Variants in CEP152 observed in about 807,000 individuals in gnomAD.
CEP152 encodes centrosomal protein of 152 kDa.
CEP152 carries 132 observed loss-of-function variants against 188.9 expected under a neutral mutation model. That is an observed-to-expected ratio of 0.70 (90% CI 0.61 to 0.81). CEP152 has a LOEUF of 0.81. CEP152 is among the 30% of genes least tolerant of loss of function. The probability of loss-of-function intolerance (pLI) is 0.00; values close to 1 mark genes in which losing one functional copy is unlikely to be tolerated. For synonymous variants in CEP152, 649 were observed against 666.6 expected (o/e 0.97, Z 0.41); for missense variants, 1,914 against 1,969.8 (o/e 0.97, Z 0.54).
At chr15:48,784,203 AT>A in intron 9 of CEP152, 83 bp from the exon 10 acceptor site, 1 of 1,315,694 alleles carries the variant, frequency 7.6e-7, no homozygotes. Context: ...ACATAATTAG[AT>A]TTGATGTCAA....
rs1897366564 is a variant in CEP152, at chr15:48,797,392, A to C, written c.449T>G (p.Phe150Cys). The C allele has an allele frequency of 6.2e-7, 1 of 1,614,020 alleles. No individual in the cohort carries two copies. The highest frequency in any genetic ancestry group is 1.3e-5 in the African/African-American group (1 of 74,916). The change falls in exon 5 of 27, where the codon TTT (phenylalanine) becomes TGT (cysteine). Residue 150 changes from phenylalanine to cysteine, a missense_variant. Physicochemically the swap from Phe to Cys is radical, Grantham distance 205. Transcript: ENST00000380950. ...CTTCTGACCATTGGTATATGGCCTA[A>C]AGTTTTCAGGAAGGTGATATAAATC... The part of the protein sequence containing the change: ...QTDLYHLPEN[F>C]RPYTNGQKQE...
intron 21 of CEP152, 121 bp downstream of exon 21, chr15:48,752,228 A>T: frequency 6.5e-7 from 1 of 1,542,152 alleles, no homozygotes; most frequent in Non-Finnish European, 8.9e-7. Flanking sequence ...AAGAGGGGAC[A>T]TTAAGTCAGA....
Position 48,738,645 on chromosome 15 carries a change from T to G in CEP152, c.4737A>C (p.Ala1579=), listed in dbSNP as rs1439237528. 8.1e-6 allele frequency: 13 copies of G among 1,614,208 alleles called. No individual in the cohort carries two copies. The highest frequency in any genetic ancestry group is 1.1e-5 in the Non-Finnish European group (13 of 1,180,026). The stretch of plus-strand genomic sequence containing the variant: ...CTTCACGACTGTCAAAGGATAAGGT[T>G]GCACTGCTGGAAGGCCAGCCCAAGC... The part of the protein sequence containing the change: ...SDCLGWPSSS[A]TLSFDSREAS... The change falls in exon 27 of 27, where the codon GCA becomes GCC. Residue 1579 remains alanine (A), a synonymous_variant. Transcript: ENST00000380950.
chr15:48,761,544 C>T (rs974078463), intron 18 of CEP152, among the ~76,000 whole-genome samples: 1 of 152,182 alleles, frequency 6.6e-6, no homozygotes, highest in Non-Finnish European at 1.5e-5. Context: ...GCTGTTCTCT[C>T]ATGCATAAAC....
At chr15:48,755,780 C>CT in intron 20 of CEP152, 123 bp downstream of exon 20, 1 of 1,533,032 alleles carries the variant, frequency 6.5e-7, no homozygotes, top group East Asian at 2.3e-5. Flanking sequence ...TTTTTTAAAC[C>CT]ACTGACAAAA....
rs933827590 is a variant in CEP152 at position 48,788,940 on chromosome 15, T to A, written c.1034A>T (p.Asp345Val). The A allele has an allele frequency of 1.9e-6, 3 of 1,614,058 alleles. No homozygotes were observed. Among genetic ancestry groups the A allele is most frequent in the Admixed American group, 3.3e-5 (2 of 60,010 alleles). The change falls in exon 9 of 27, where the codon GAC becomes GTC. Residue 345 changes from aspartate to valine, a missense_variant. Physicochemically the swap from Asp to Val is radical, Grantham distance 152 (BLOSUM62 -3). Transcript: ENST00000380950. Reference sequence around the variant, plus strand: ...TTGAAGTGATTCAGAATGATGAAGGTCCACCAGCTGCTGCTTCAAGCTTTC... The same window carrying A: ...TTGAAGTGATTCAGAATGATGAAGGACCACCAGCTGCTGCTTCAAGCTTTC... ...ALESLKQQLVDLHHSESLQRA... is the reference protein window; with the variant it reads ...ALESLKQQLVVLHHSESLQRA...
chr15:48,748,618 A>T lies in CEP152; in HGVS notation c.3467-8T>A. Reference sequence around the variant, plus strand: ...CAAGGACCTTTTTCTTATCTGCAAAAATTAAATGACAGAAAACTTTTATAT... The same window carrying T: ...CAAGGACCTTTTTCTTATCTGCAAATATTAAATGACAGAAAACTTTTATAT... On this transcript the variant is annotated splice_region_variant and splice_polypyrimidine_tract_variant and intron_variant, in intron 21 of 26. Transcript: ENST00000380950. 1 of 1,471,372 alleles carries T rather than the reference A, an allele frequency of 6.8e-7. No individual in the cohort carries two copies. The highest frequency in any genetic ancestry group is 8.9e-7 in the Non-Finnish European group (1 of 1,118,426). The allele number at this position is 1,471,372 out of a possible 1,614,324, so 91.1% of individuals were successfully genotyped here.
At chr15:48,759,539 T>C (rs765516137) in intron 19 of CEP152, among the ~76,000 whole-genome samples, 4 of 152,218 alleles carry the variant, frequency 2.6e-5, no homozygotes, top group Non-Finnish European at 4.4e-5. Flanking sequence ...CCATTATGTG[T>C]TAGGGCTTGA....
At chr15:48,798,966 G>A (rs1024123746) in intron 2 of CEP152, among the ~76,000 whole-genome samples, 1 of 152,186 alleles carries the variant, frequency 6.6e-6, no homozygotes, top group Non-Finnish European at 1.5e-5. Context: ...CTTAAATTAT[G>A]TAACAATTAG....
intron 2 of CEP152, among the ~76,000 whole-genome samples, chr15:48,799,429 G>A: frequency 6.6e-6 from 1 of 152,044 alleles, no homozygotes; most frequent in Non-Finnish European, 1.5e-5. Flanking sequence ...GAGGTGGGTG[G>A]GAATACTTCC....
intron 15 of CEP152, among the ~76,000 whole-genome samples, chr15:48,767,744 C>T (rs1030221452): frequency 2.0e-5 from 3 of 152,134 alleles, no homozygotes; most frequent in African/African-American, 7.2e-5. Flanking sequence ...ATGTTGAGGA[C>T]TTCTGTTTAT....
chr15:48,776,364 G>C (rs567697098), intron 12 of CEP152, among the ~76,000 whole-genome samples: 6 of 152,190 alleles, frequency 3.9e-5, no homozygotes, highest in African/African-American at 1.4e-4. Flanking sequence ...AACAGGAAAA[G>C]TGATAACTCT....
chr15:48,793,364 T>A lies in CEP152; in HGVS notation c.789A>T (p.Glu263Asp). ...ENLIEKLNES[E>D]RQIRYLNHQL... ...GGTGATTCAGATATCGAATTTGACGTTCACTTTCATTTAACTTTTCAATTA... is the reference window on the plus strand; with the variant it reads ...GGTGATTCAGATATCGAATTTGACGATCACTTTCATTTAACTTTTCAATTA... The change falls in exon 7 of 27, where the codon GAA becomes GAT. Residue 263 changes from glutamate to aspartate, a missense_variant. Physicochemically the swap from Glu to Asp is conservative, Grantham distance 45. Transcript: ENST00000380950. 1 of 1,614,064 alleles carries A rather than the reference T, an allele frequency of 6.2e-7. No individual in the cohort carries two copies. Among genetic ancestry groups the A allele is most frequent in the Non-Finnish European group, 8.5e-7 (1 of 1,179,982 alleles).
At chr15:48,755,817 T>G in intron 20 of CEP152, 86 bp downstream of exon 20, 1 of 1,589,956 alleles carries the variant, frequency 6.3e-7, no homozygotes, top group East Asian at 2.2e-5. Flanking sequence ...TACTAAAATT[T>G]AAAAGGAAAA....
intron 6 of CEP152, 81 bp from the exon 7 acceptor site, chr15:48,793,542 T>G: frequency 2.4e-6 from 3 of 1,240,432 alleles, no homozygotes; most frequent in Non-Finnish European, 2.3e-6. Context: ...TTTTTCAAAC[T>G]GTGACTACAA....
At chr15:48,801,733 A>G (rs1158674811) in intron 2 of CEP152, among the ~76,000 whole-genome samples, 1 of 152,178 alleles carries the variant, frequency 6.6e-6, no homozygotes, top group African/African-American at 2.4e-5. Flanking sequence ...CAAAATGGCA[A>G]TCTTGTTTAA....
rs1567020227 is a variant in CEP152, at chr15:48,788,790, A to ATCATCCCAACCTGT, written c.1170_1173+10dup. ...TGTTGATAACAGTTGCTCATTTGAA[A>ATCATCCCAACCTGT]TCATCCCAACCTGTTCTTTAAGTGC... On this transcript the variant is annotated intron_variant, in intron 9 of 26. Transcript: ENST00000380950. The ATCATCCCAACCTGT allele has an allele frequency of 1.9e-6, 3 of 1,612,960 alleles. No homozygotes were observed. Among genetic ancestry groups the ATCATCCCAACCTGT allele is most frequent in the Admixed American group, 3.3e-5 (2 of 60,028 alleles).
chr15:48,738,154 CAA>C lies in CEP152; in HGVS notation c.*93_*94del. The C allele has an allele frequency of 7.8e-7, 1 of 1,288,086 alleles. No individual in the cohort carries two copies. The highest frequency in any genetic ancestry group is 1.5e-5 in the South Asian group (1 of 66,222). 79.8% of individuals were successfully genotyped at this position (1,288,086 alleles called of 1,614,324 possible). A position where few individuals can be genotyped will look rare whatever the true frequency, so the allele number is the denominator to read the frequency against. On this transcript the variant is annotated 3_prime_UTR_variant, in exon 27 of 27. Transcript: ENST00000380950. The stretch of plus-strand genomic sequence containing the variant: ...TATAACAGATGTTATTAAAACATCT[CAA>C]AAGAGGCAGGGCTCACAATTTTTTT...
At chr15:48,769,204 T>C in intron 13 of CEP152, 123 bp from the exon 14 acceptor site, 1 of 731,398 alleles carries the variant, frequency 1.4e-6, no homozygotes, top group Non-Finnish European at 2.2e-6. Flanking sequence ...CTTTTACTCA[T>C]CTTCCCCCAA....
Sources: gnomAD v4.1 joint callset for allele counts (sites outside exome capture counted in the v4.1 genomes callset) on GRCh38, gnomAD v4.1.1 for gene constraint, MANE v1.5 for transcripts, NCBI Gene and HGNC (gene_info 2026-07-23, HGNC 2026-07-21) for gene names.